FUT9: variants seen among roughly 807,000 people sequenced by gnomAD.
The protein encoded by FUT9 is fucosyltransferase 9, also known as 4-galactosyl-N-acetylglucosaminide 3-alpha-L-fucosyltransferase 9.
A neutral mutation model predicts 29.7 loss-of-function variants in FUT9; 15 were observed. The ratio of observed to expected loss-of-function variants is 0.51; its 90% CI spans 0.34 to 0.78. The LOEUF (loss-of-function observed/expected upper bound fraction) is 0.78. Ranked by LOEUF, FUT9 falls within the 30% of genes least tolerant of loss-of-function variation. The pLI is 0.01. For synonymous variants in FUT9, 169 were observed against 153.7 expected (o/e 1.10, Z -0.74); for missense variants, 319 against 425.4 (o/e 0.75, Z 2.20).
chr6:96,038,812 G>A (rs1477446403), intron 1 of FUT9, among the ~76,000 whole-genome samples: 1 of 152,052 alleles, frequency 6.6e-6, no homozygotes, highest in African/African-American at 2.4e-5. Context: ...TCTACTTTAA[G>A]CTTTGGTGAT....
intron 1 of FUT9, among the ~76,000 whole-genome samples, chr6:96,066,778 C>A (rs6939658): frequency 0.56 from 84,376 of 151,712 alleles, 23,565 homozygotes; most frequent in South Asian, 0.64. Flanking sequence ...GCATTACTTG[C>A]GGAATAGACA....
At chr6:96,096,030 A>G (rs1771488963) in intron 1 of FUT9, among the ~76,000 whole-genome samples, 1 of 152,126 alleles carries the variant, frequency 6.6e-6, no homozygotes, top group Admixed American at 6.6e-5. Flanking sequence ...TCTAGCTGGG[A>G]TTTCTGCTAC....
rs936157611 is a variant in FUT9 at position 96,205,530 on chromosome 6, AC to A, written c.*1297del. On this transcript the variant is annotated 3_prime_UTR_variant, in exon 3 of 3. Transcript: ENST00000302103. ...GGGCTTTATAGAACCAAATAAACCT[AC>A]CATTACATGAAAATTTTGAAGAGTA... 14 of 167,168 alleles carry A rather than the reference AC, an allele frequency of 8.4e-5. No homozygotes were observed. The highest frequency in any genetic ancestry group is 1.3e-4 in the Non-Finnish European group (9 of 68,094). 10.4% of individuals were successfully genotyped at this position (167,168 alleles called of 1,614,324 possible).
rs949681928 is a variant in FUT9, at chr6:96,210,292, C to A, written c.*6057C>A. The A allele has an allele frequency of 6.0e-6, 1 of 166,930 alleles. No homozygotes were observed. Among genetic ancestry groups the A allele is most frequent in the African/African-American group, 2.4e-5 (1 of 41,420 alleles). The allele number at this position is 166,930 out of a possible 1,614,324, so 10.3% of individuals were successfully genotyped here. ...ATTTTGTATACCTAATTATTTCACA[C>A]AAGAGCGTGGAACTCACCAGTCTTG... is the stretch of plus-strand genomic sequence containing the variant. On this transcript the variant is annotated 3_prime_UTR_variant, in exon 3 of 3. Transcript: ENST00000302103.
chr6:96,024,246 T>G (rs1379035733), intron 1 of FUT9, among the ~76,000 whole-genome samples: 1 of 151,838 alleles, frequency 6.6e-6, no homozygotes, highest in Non-Finnish European at 1.5e-5. Context: ...TTCCCCAACA[T>G]TCTTGGATAG....
intron 2 of FUT9, among the ~76,000 whole-genome samples, chr6:96,172,590 A>T (rs1773132345): frequency 6.6e-6 from 1 of 152,062 alleles, no homozygotes; most frequent in African/African-American, 2.4e-5. Flanking sequence ...TTTCTACATC[A>T]TACCACCAGT....
intron 1 of FUT9, among the ~76,000 whole-genome samples, chr6:96,093,277 G>A (rs1771442062): frequency 6.6e-6 from 1 of 152,160 alleles, no homozygotes; most frequent in Non-Finnish European, 1.5e-5. Context: ...ATTGGTGAAT[G>A]AATTGGCAAA....
At chr6:96,101,840 G>A (rs887404302) in intron 1 of FUT9, among the ~76,000 whole-genome samples, 14 of 148,292 alleles carry the variant, frequency 9.4e-5, no homozygotes, top group African/African-American at 3.5e-4. Flanking sequence ...TTTTTTACTA[G>A]AGACAAGGTC....
chr6:96,165,056 A>G (rs1372722337), intron 2 of FUT9, among the ~76,000 whole-genome samples: 1 of 152,218 alleles, frequency 6.6e-6, no homozygotes, highest in African/African-American at 2.4e-5. Flanking sequence ...GTCAGTATAA[A>G]GTAAGATCTT....
intron 1 of FUT9, among the ~76,000 whole-genome samples, chr6:96,103,409 A>G (rs1157795013): frequency 1.3e-5 from 2 of 152,154 alleles, no homozygotes; most frequent in East Asian, 3.9e-4. Context: ...AGTTAAATCT[A>G]TGAGGAGTGT....
intron 1 of FUT9, among the ~76,000 whole-genome samples, chr6:96,047,441 A>C (rs878924600): frequency 1.3e-5 from 2 of 152,204 alleles, no homozygotes; most frequent in South Asian, 2.1e-4. Flanking sequence ...TTGCAATCTT[A>C]TTTCTTTCTT....
At chr6:96,041,001 C>G (rs1271425661) in intron 1 of FUT9, among the ~76,000 whole-genome samples, 1 of 152,008 alleles carries the variant, frequency 6.6e-6, no homozygotes, top group Non-Finnish European at 1.5e-5. Context: ...CTGTGACTGC[C>G]CGCCCCCTTT....
chr6:96,100,608 G>A (rs956477105), intron 1 of FUT9, among the ~76,000 whole-genome samples: 6 of 152,156 alleles, frequency 3.9e-5, no homozygotes, highest in Non-Finnish European at 7.4e-5. Flanking sequence ...TACAATTTTG[G>A]GAAATGGAGA....
At chr6:96,044,650 T>A (rs1234733325) in intron 1 of FUT9, among the ~76,000 whole-genome samples, 1 of 152,226 alleles carries the variant, frequency 6.6e-6, no homozygotes, top group Non-Finnish European at 1.5e-5. Flanking sequence ...GTGCTTTTTT[T>A]TCCCCCTGAT....
chr6:96,064,875 A>G (rs547806448), intron 1 of FUT9, among the ~76,000 whole-genome samples: 12 of 152,304 alleles, frequency 7.9e-5, no homozygotes, highest in African/African-American at 2.2e-4. Flanking sequence ...CTGCTGTGCT[A>G]GCCAAAGCAA....
chr6:96,116,202 C>A (rs534725408), intron 2 of FUT9, among the ~76,000 whole-genome samples: 1 of 152,092 alleles, frequency 6.6e-6, no homozygotes. Flanking sequence ...TAAGGAGATA[C>A]AAATGAAAGC....
In FUT9 at chr6:96,212,149, A is replaced by T; in HGVS notation, c.*7914A>T. On this transcript the variant is annotated 3_prime_UTR_variant, in exon 3 of 3. Coordinates refer to ENST00000302103, the MANE Select transcript of FUT9 (RefSeq NM_006581.4). ...GCTAAATTAACAACCCAGGACTACC[A>T]CTCATTATGTGAGAAATATGGGCCA... The T allele has an allele frequency of 4.8e-6, 2 of 412,540 alleles. No homozygotes were observed. Among genetic ancestry groups the T allele is most frequent in the Non-Finnish European group, 8.9e-6 (2 of 225,630 alleles). The allele number at this position is 412,540 out of a possible 1,614,324, so 25.6% of individuals were successfully genotyped here.
intron 2 of FUT9, among the ~76,000 whole-genome samples, chr6:96,152,208 A>G (rs1772689967): frequency 6.6e-6 from 1 of 152,178 alleles, no homozygotes; most frequent in South Asian, 2.1e-4. Context: ...ACTCTGTCAT[A>G]GTTTTTACCT....
At chr6:96,020,465 A>G (rs1481831453) in intron 1 of FUT9, among the ~76,000 whole-genome samples, 2 of 152,058 alleles carry the variant, frequency 1.3e-5, no homozygotes, top group African/African-American at 4.8e-5. Context: ...GTGGTCAGGG[A>G]AGGTAAATTT....
Sources: allele counts gnomAD v4.1 joint callset (sites outside exome capture counted in the v4.1 genomes callset), GRCh38; gene constraint gnomAD v4.1.1; transcripts MANE v1.5; gene names NCBI Gene and HGNC (gene_info 2026-07-23, HGNC 2026-07-21).